Variants in PNLIPRP1 observed in about 807,000 individuals in gnomAD.
The protein encoded by PNLIPRP1 is pancreatic lipase related protein 1, also known as inactive pancreatic lipase-related protein 1.
A neutral mutation model predicts 54.6 loss-of-function variants in PNLIPRP1; 57 were observed. That is an observed-to-expected ratio of 1.04 (90% CI 0.84 to 1.30). The LOEUF is 1.30. PNLIPRP1 is among the 50% of genes most tolerant of loss of function. The pLI, the probability that PNLIPRP1 is intolerant of heterozygous loss-of-function variation, is 0.00. For missense variants in PNLIPRP1, 567 were observed against 568.5 expected, an observed-to-expected ratio of 1.00 and a Z score of 0.03; for synonymous variants, 232 against 208.8, an observed-to-expected ratio of 1.11 and a Z score of -0.96.
Position 116,591,831 on chromosome 10 carries a change from C to T in PNLIPRP1, c.110C>T (p.Thr37Ile). The T allele has an allele frequency of 6.2e-7, 1 of 1,614,226 alleles. No homozygotes were observed. Among genetic ancestry groups the T allele is most frequent in the Non-Finnish European group, 8.5e-7 (1 of 1,180,036 alleles). The change falls in exon 3 of 13, where the codon ACA (threonine) becomes ATA (isoleucine). Residue 37 changes from threonine (T) to isoleucine (I), a missense_variant. Thr to Ile is a moderately conservative substitution (Grantham distance 89). Transcript: ENST00000358834. ...CFSDTEPWGG[T>I]AIRPLKILPW... The stretch of plus-strand genomic sequence containing the variant: ...TCTGACACTGAGCCCTGGGGCGGGA[C>T]AGCAATCAGGCCCCTGAAAATTCTC...
intron 9 of PNLIPRP1, 107 bp downstream of exon 9, chr10:116,600,272 C>T (rs931908870): frequency 8.0e-5 from 61 of 763,078 alleles, no homozygotes; most frequent in Non-Finnish European, 1.2e-4. Flanking sequence ...TTTGCATTGA[C>T]CCTCAGAGTT....
chr10:116,595,563 A>G (rs1468556577), intron 5 of PNLIPRP1: 7 of 152,984 alleles, frequency 4.6e-5, no homozygotes, highest in Non-Finnish European at 7.3e-5. Flanking sequence ...GAAGTATGAT[A>G]GACCAATAAA....
rs782618163 is a variant in PNLIPRP1, at chr10:116,609,040, C to T, written c.1341-13C>T. The T allele has an allele frequency of 4.4e-6, 7 of 1,604,400 alleles. No homozygotes were observed. The highest frequency in any genetic ancestry group is 1.7e-5 in the Admixed American group (1 of 59,990). On this transcript the variant is annotated splice_polypyrimidine_tract_variant and intron_variant, in intron 12 of 12. Coordinates refer to ENST00000358834, the MANE Select transcript of PNLIPRP1 (RefSeq NM_006229.4). Reference sequence around the variant, plus strand: ...GTGACCCAAACTCTTACAAAGCTTCCTTTTCTCCCCAGGTACAACTTCTGT... The same window carrying T: ...GTGACCCAAACTCTTACAAAGCTTCTTTTTCTCCCCAGGTACAACTTCTGT...
chr10:116,591,581 G>A (rs1554863143), intron 2 of PNLIPRP1, among the ~76,000 whole-genome samples, 190 bp from the exon 3 acceptor site: 1 of 151,336 alleles, frequency 6.6e-6, no homozygotes, highest in Non-Finnish European at 1.5e-5. Context: ...GATTCAATGG[G>A]ACTGATACTA....
chr10:116,598,201 G>T lies in PNLIPRP1; in HGVS notation c.814+35G>T, dbSNP rs1163125531. 6 of 1,592,130 alleles carry T rather than the reference G, an allele frequency of 3.8e-6. No individual in the cohort carries two copies. In the African/African-American group the frequency reaches 8.1e-5, roughly 21 times the overall value. Reference sequence around the variant, plus strand: ...TGGTGGGGTGAGGGGAGCAGGGCGGGTACTTTCCTGGAGTGACCAATACCT... The same window carrying T: ...TGGTGGGGTGAGGGGAGCAGGGCGGTTACTTTCCTGGAGTGACCAATACCT... On this transcript the variant is annotated intron_variant, in intron 8 of 12. Transcript: ENST00000358834.
intron 5 of PNLIPRP1, 30 bp from the exon 6 acceptor site, chr10:116,596,184 T>C: frequency 3.4e-6 from 5 of 1,456,558 alleles, no homozygotes; most frequent in Non-Finnish European, 4.8e-6. Context: ...CAGCAAAAAA[T>C]GTCCTGAAAA....
Position 116,605,448 on chromosome 10 carries a change from C to A in PNLIPRP1, c.1235C>A (p.Thr412Lys). 1.2e-6 allele frequency: 2 copies of A among 1,611,344 alleles called. No homozygotes were observed. Among genetic ancestry groups the A allele is most frequent in the Non-Finnish European group, 8.5e-7 (1 of 1,177,826 alleles). The change falls in exon 12 of 13, where the codon ACA becomes AAA. Residue 412 changes from threonine (T) to lysine (K), a missense_variant. Thr to Lys is a moderately conservative substitution (Grantham distance 78, BLOSUM62 -1). Transcript: ENST00000358834. ...TTTGATGCAAAGCTGGATGTTGGAA[C>A]AATTGAGAAAGTCAAGTTTCTTTGG... ...YEFDAKLDVG[T>K]IEKVKFLWNN...
rs113937104 is a variant in PNLIPRP1 at position 116,604,667 on chromosome 10, C to T, written c.1172+529C>T. Among the ~76,000 whole-genome samples, 268 of 146,018 alleles carry T rather than the reference C, an allele frequency of 1.8e-3. 1 individual carries two copies. Among genetic ancestry groups the T allele is most frequent in the African/African-American group, 6.1e-3 (242 of 39,884 alleles). On this transcript the variant is annotated intron_variant, in intron 11 of 12. Transcript: ENST00000358834. ...TTTTCTGTTATAAACCTAGGCATTT[C>T]GTCCTTTCTCTCTCTTTTTTTTTTT... is the stretch of plus-strand genomic sequence containing the variant.
chr10:116,597,812 T>C lies in PNLIPRP1; in HGVS notation c.575-16T>C. 6.2e-7 allele frequency: 1 copy of C among 1,614,122 alleles called. No individual in the cohort carries two copies. Among genetic ancestry groups the C allele is most frequent in the Non-Finnish European group, 8.5e-7 (1 of 1,179,998 alleles). On this transcript the variant is annotated splice_polypyrimidine_tract_variant and intron_variant, in intron 6 of 12. Transcript: ENST00000358834. ...AGTCAGGTCTATTGTTCTGCAGTGC[T>C]GATCATCTCTTTTAGGGTTGGATCC...
chr10:116,601,335 C>A, intron 10 of PNLIPRP1, 134 bp downstream of exon 10: 1 of 795,956 alleles, frequency 1.3e-6, no homozygotes, highest in African/African-American at 1.7e-5. Context: ...TTTACCGAAA[C>A]TATTGCAGTT....
At chr10:116,601,309 C>A in intron 10 of PNLIPRP1, 108 bp downstream of exon 10, 2 of 1,037,228 alleles carry the variant, frequency 1.9e-6, no homozygotes, top group East Asian at 2.4e-5. Context: ...TTTTAATTAT[C>A]TTAGAAATGG....
chr10:116,606,558 G>A (rs1268837284), intron 12 of PNLIPRP1, among the ~76,000 whole-genome samples: 2 of 152,180 alleles, frequency 1.3e-5, no homozygotes, highest in Admixed American at 1.3e-4. Flanking sequence ...GGCCCCATTA[G>A]CAAGCATCCC....
chr10:116,594,480 T>C, intron 4 of PNLIPRP1: 1 of 576,080 alleles, frequency 1.7e-6, no homozygotes, highest in African/African-American at 1.9e-5. Context: ...CTTACTGAAT[T>C]TGGTTGAAGG....
chr10:116,593,293 T>C (rs1847674069), intron 4 of PNLIPRP1: 1 of 152,780 alleles, frequency 6.5e-6, no homozygotes, highest in African/African-American at 2.4e-5. Flanking sequence ...CACACACACA[T>C]ACATACATGG....
chr10:116,593,476 C>T (rs1847678442), intron 4 of PNLIPRP1, among the ~76,000 whole-genome samples: 1 of 152,294 alleles, frequency 6.6e-6, no homozygotes, highest in East Asian at 1.9e-4. Flanking sequence ...TTAATAACAC[C>T]AACCAGTAAT....
At chr10:116,591,272 A>G (rs1225512442) in intron 2 of PNLIPRP1, 94 bp downstream of exon 2, 1 of 927,044 alleles carries the variant, frequency 1.1e-6, no homozygotes, top group African/African-American at 1.6e-5. Context: ...GGCTCCCAGC[A>G]GCTCCAGGGT....
intron 12 of PNLIPRP1, among the ~76,000 whole-genome samples, chr10:116,608,467 A>G (rs1007766174): frequency 9.2e-5 from 14 of 152,162 alleles, no homozygotes; most frequent in African/African-American, 3.1e-4. Flanking sequence ...TGATCCTACC[A>G]TGGAAAATAC....
chr10:116,592,579 CA>C lies in PNLIPRP1; in HGVS notation c.330+40del, dbSNP rs1456223536. 1.9e-6 allele frequency: 3 copies of C among 1,612,416 alleles called. No homozygotes were observed. The East Asian group carries it at 6.7e-5, about 36-fold the overall frequency. ...TCTGATCCCTGTGGCCAGCTGAGGC[CA>C]ACACTTCTGCTAACATCTCTGCATC... is the stretch of plus-strand genomic sequence containing the variant. On this transcript the variant is annotated intron_variant, in intron 4 of 12. Transcript: ENST00000358834.
At chr10:116,605,964 T>C (rs1370753397) in intron 12 of PNLIPRP1, among the ~76,000 whole-genome samples, 1 of 152,184 alleles carries the variant, frequency 6.6e-6, no homozygotes, top group East Asian at 1.9e-4. Context: ...AAATTTTACA[T>C]AGGACAAGAA....
Sources: gnomAD v4.1 joint callset for allele counts (sites outside exome capture counted in the v4.1 genomes callset) on GRCh38, gnomAD v4.1.1 for gene constraint, MANE v1.5 for transcripts, NCBI Gene and HGNC (gene_info 2026-07-23, HGNC 2026-07-21) for gene names.